Variants in YIPF4 observed in about 807,000 individuals in gnomAD.
YIPF4 encodes the protein protein YIPF4.
In YIPF4, 18 loss-of-function variants were observed where a neutral mutation model predicts 29.4. That is an observed-to-expected ratio of 0.61 (90% confidence interval 0.42 to 0.91). YIPF4 has a LOEUF of 0.91. Among genes scored for constraint, YIPF4 ranks in the 40% least tolerant of loss-of-function variants. The pLI is 0.00. For missense variants in YIPF4, 279 were observed against 282.7 expected (o/e 0.99, Z 0.09); for synonymous variants, 115 against 104.7 (o/e 1.10, Z -0.60).
At chr2:32,296,720 T>C (rs1287418423) in intron 3 of YIPF4, among the ~76,000 whole-genome samples, 1 of 152,182 alleles carries the variant, frequency 6.6e-6, no homozygotes, top group Non-Finnish European at 1.5e-5. Flanking sequence ...CTGTTCAATT[T>C]CTCCAGTATA....
intron 3 of YIPF4, among the ~76,000 whole-genome samples, chr2:32,296,887 G>C (rs1167057274): frequency 6.6e-6 from 1 of 152,168 alleles, no homozygotes; most frequent in Non-Finnish European, 1.5e-5. Context: ...TTTACAGAAT[G>C]ATGATTTTTC....
At chr2:32,294,410 G>T (rs1406453757) in intron 3 of YIPF4, among the ~76,000 whole-genome samples, 1 of 150,980 alleles carries the variant, frequency 6.6e-6, no homozygotes, top group Non-Finnish European at 1.5e-5. Flanking sequence ...GAGCAGAGGC[G>T]CTCCTCACAT....
intron 3 of YIPF4, among the ~76,000 whole-genome samples, chr2:32,293,054 TTTTATTTTTTTATTTTTA>T (rs1417673085): frequency 7.7e-6 from 1 of 130,450 alleles, no homozygotes; most frequent in Non-Finnish European, 1.7e-5. Context: ...TTATTTTTAT[TTTTATTTTTTTATTTTTA>T]TTTATTTATT....
intron 3 of YIPF4, among the ~76,000 whole-genome samples, chr2:32,293,547 C>A (rs1429835923): frequency 2.6e-5 from 4 of 152,378 alleles, no homozygotes; most frequent in Middle Eastern, 3.4e-3. Flanking sequence ...ACCTTTCCCC[C>A]CTTTCTGTTC....
At chr2:32,290,665 T>C in intron 2 of YIPF4, 29 bp downstream of exon 2, 1 of 1,364,044 alleles carries the variant, frequency 7.3e-7, no homozygotes, top group South Asian at 2.0e-5. Flanking sequence ...ATATATTTTT[T>C]GTTTTTTGAG....
Position 32,312,290 on chromosome 2 carries a change from C to G in YIPF4, c.*6664C>G, listed in dbSNP as rs1054170421. 1 of 151,354 alleles carries G rather than the reference C, an allele frequency of 6.6e-6. No individual in the cohort carries two copies. Among genetic ancestry groups the G allele is most frequent in the Non-Finnish European group, 1.5e-5 (1 of 67,892 alleles). 9.4% of individuals were successfully genotyped at this position (151,354 alleles called of 1,614,324 possible). A position where few individuals can be genotyped will look rare whatever the true frequency, so the allele number is the denominator to read the frequency against. On this transcript the variant is annotated 3_prime_UTR_variant, in exon 6 of 6. Transcript: ENST00000238831. ...GACCACGAGGTCAGGAGATCGAGACCATCCTGGCTAACACGGTGAAACCCT... is the reference window on the plus strand; with the variant it reads ...GACCACGAGGTCAGGAGATCGAGACGATCCTGGCTAACACGGTGAAACCCT...
In YIPF4 at chr2:32,295,790, AGG is replaced by A. The variant is rs2031155769; in HGVS notation, c.406-2440_406-2439del. ...AGCTAATTTTGTATTTTTAGTAGAG[AGG>A]GGGTTTCACCATGTTAGTCAGGCTG... On this transcript the variant is annotated intron_variant, in intron 3 of 5. Transcript: ENST00000238831. 9.2e-5 allele frequency among the ~76,000 whole-genome samples: 14 copies of A among 152,228 alleles called. No individual in the cohort carries two copies. The South Asian group carries it at 2.9e-3, about 32-fold the overall frequency.
intron 1 of YIPF4, among the ~76,000 whole-genome samples, chr2:32,280,240 G>T (rs113021069): frequency 2.0e-5 from 3 of 150,634 alleles, no homozygotes; most frequent in Admixed American, 6.6e-5. Flanking sequence ...CTATTCTCCT[G>T]CCTCAGCCTC....
chr2:32,277,961 A>G lies in YIPF4; in HGVS notation c.-195A>G, dbSNP rs925082993. The G allele has an allele frequency of 5.6e-6, 3 of 539,806 alleles. No homozygotes were observed. The highest frequency in any genetic ancestry group is 6.5e-6 in the Non-Finnish European group (2 of 309,006). The allele number at this position is 539,806 out of a possible 1,614,324, so 33.4% of individuals were successfully genotyped here. A position where few individuals can be genotyped will look rare whatever the true frequency, so the allele number is the denominator to read the frequency against. On this transcript the variant is annotated 5_prime_UTR_variant, in exon 1 of 6. Transcript: ENST00000238831. ...TCGTGGTGCTTGGGTGGTCGCCACC[A>G]AGAAGACTTTGGTGGGGTAGTCTCG...
intron 3 of YIPF4, among the ~76,000 whole-genome samples, chr2:32,293,202 A>G (rs930097648): frequency 5.9e-5 from 9 of 152,098 alleles, no homozygotes; most frequent in African/African-American, 1.4e-4. Context: ...CAAGTGAACA[A>G]AGGTCTCTGG....
Sources: gnomAD v4.1 joint callset for allele counts (sites outside exome capture counted in the v4.1 genomes callset) on GRCh38, gnomAD v4.1.1 for gene constraint, MANE v1.5 for transcripts, NCBI Gene and HGNC (gene_info 2026-07-23, HGNC 2026-07-21) for gene names.